Variants in CAPS2 observed in about 807,000 individuals in gnomAD.
CAPS2 encodes the protein calcyphosin-2.
Under a neutral mutation model 86.5 loss-of-function variants are expected in CAPS2, and 98 were observed. The ratio of observed to expected loss-of-function variants is 1.13; its 90% CI spans 0.96 to 1.34. The LOEUF (loss-of-function observed/expected upper bound fraction) is 1.34. Among genes scored for constraint, CAPS2 ranks in the 40% most tolerant of loss-of-function variants. CAPS2 has a pLI of 0.00. For missense variants in CAPS2, 729 were observed against 686.8 expected (o/e 1.06, Z -0.69); for synonymous variants, 210 against 225.1 (o/e 0.93, Z 0.60).
chr12:75,306,403 G>C, intron 7 of CAPS2: 1 of 401,850 alleles, frequency 2.5e-6, no homozygotes, highest in African/African-American at 2.0e-5. Context: ...ACCCTCACCA[G>C]GCCTGTGGAA....
chr12:75,327,757 T>C (rs1337299629), upstream of CAPS2, among the ~76,000 whole-genome samples: 5 of 150,872 alleles, frequency 3.3e-5, no homozygotes, highest in Non-Finnish European at 7.4e-5. Context: ...GGTGGAATAA[T>C]GTAACATTCA....
chr12:75,339,451 C>G (rs2041955631), intron 1 of CAPS2, among the ~76,000 whole-genome samples: 1 of 151,516 alleles, frequency 6.6e-6, no homozygotes, highest in Admixed American at 6.6e-5. Context: ...TGGGGTTGTT[C>G]TTTAAATTTA....
intron 7 of CAPS2, among the ~76,000 whole-genome samples, 186 bp downstream of exon 7, chr12:75,312,662 T>G (rs2039351233): frequency 6.6e-6 from 1 of 152,198 alleles, no homozygotes; most frequent in Non-Finnish European, 1.5e-5. Context: ...TGTTAGGTAT[T>G]TCTATTCGTC....
At chr12:75,343,670 T>C (rs2042261594) in intron 1 of CAPS2, 1 of 1,552,474 alleles carries the variant, frequency 6.4e-7, no homozygotes, top group Non-Finnish European at 8.7e-7. Flanking sequence ...CACAATTCAA[T>C]TTAAATTATT....
upstream of CAPS2, chr12:75,334,979 A>T (rs532107161): frequency 1.5e-5 from 20 of 1,365,978 alleles, no homozygotes; most frequent in Middle Eastern, 9.9e-4. Flanking sequence ...TCACGGACTT[A>T]ACTTGTACTA....
At chr12:75,317,328 C>T (rs1224183665) in intron 5 of CAPS2, among the ~76,000 whole-genome samples, 5 of 152,040 alleles carry the variant, frequency 3.3e-5, no homozygotes, top group Non-Finnish European at 7.4e-5. Context: ...GATACTTTAT[C>T]ATTTTATTTA....
intron 11 of CAPS2, among the ~76,000 whole-genome samples, chr12:75,296,611 G>T (rs890883234): frequency 6.6e-6 from 1 of 152,124 alleles, no homozygotes; most frequent in Non-Finnish European, 1.5e-5. Flanking sequence ...TTTTATGCAG[G>T]TGCATCTATG....
rs909187893 is a variant in CAPS2, at chr12:75,284,852, T to C, written c.1515+109A>G. 6.8e-6 allele frequency: 7 copies of C among 1,035,118 alleles called. No homozygotes were observed. The South Asian group carries it at 9.9e-5, about 15-fold the overall frequency. 64.1% of individuals were successfully genotyped at this position (1,035,118 alleles called of 1,614,324 possible). On this transcript the variant is annotated intron_variant, in intron 15 of 16. Transcript: ENST00000393284. Reference sequence around the variant, plus strand: ...TTTCTGTTTTACTAAACCCAACATATAAGTAAATAGATTTAAAACTTTTAA... The same window carrying C: ...TTTCTGTTTTACTAAACCCAACATACAAGTAAATAGATTTAAAACTTTTAA...
intron 1 of CAPS2, among the ~76,000 whole-genome samples, chr12:75,353,911 T>C (rs2042973908): frequency 6.6e-6 from 1 of 152,164 alleles, no homozygotes; most frequent in Non-Finnish European, 1.5e-5. Context: ...TCTCAATAGA[T>C]GCCAAAAGGC....
At chr12:75,328,406 G>A (rs2040987515), upstream of CAPS2, among the ~76,000 whole-genome samples, 3 of 152,094 alleles carry the variant, frequency 2.0e-5, no homozygotes, top group South Asian at 4.1e-4. Flanking sequence ...GCGGCAACAT[G>A]TAAATCCTCA....
chr12:75,387,114 T>C (rs1410827945), intron 1 of CAPS2, among the ~76,000 whole-genome samples: 1 of 151,998 alleles, frequency 6.6e-6, no homozygotes, highest in Non-Finnish European at 1.5e-5. Flanking sequence ...CTCAAGAGAA[T>C]GAAAAAACAA....
chr12:75,323,174 T>A lies in CAPS2; in HGVS notation c.177+3A>T. 1 of 1,533,402 alleles carries A rather than the reference T, an allele frequency of 6.5e-7. No individual in the cohort carries two copies. The allele number at this position is 1,533,402 out of a possible 1,614,324, so 95.0% of individuals were successfully genotyped here. A position where few individuals can be genotyped will look rare whatever the true frequency, so the allele number is the denominator to read the frequency against. ...ATTATATTAAATACTAAATAAAAAT[T>A]ACCTCATCATCAGAGTCAACAAGGC... On this transcript the variant is annotated splice_donor_region_variant and intron_variant, in intron 3 of 16. Coordinates refer to ENST00000393284, the Ensembl canonical transcript of CAPS2.
At chr12:75,346,205 A>G (rs74108720) in intron 1 of CAPS2, among the ~76,000 whole-genome samples, 10,084 of 152,232 alleles carry the variant, frequency 0.066, 464 homozygotes, top group African/African-American at 0.13. Flanking sequence ...TCATAAGCCA[A>G]ATTGTTAAAC....
At position 75,293,229 on chromosome 12, in the gene CAPS2, CA is replaced by C. The variant is rs931939542; in HGVS notation, c.1163+19del. 6 of 1,402,358 alleles carry C rather than the reference CA, an allele frequency of 4.3e-6. No individual in the cohort carries two copies. The Admixed American group carries it at 7.1e-5, about 17-fold the overall frequency. 86.9% of individuals were successfully genotyped at this position (1,402,358 alleles called of 1,614,324 possible). On this transcript the variant is annotated intron_variant, in intron 12 of 16. Coordinates refer to ENST00000393284, the Ensembl canonical transcript of CAPS2. Reference sequence around the variant, plus strand: ...GTGTTTTCACCTACTTTCAAATTGCCAAATGCATATTTAACTTACTTGAGAG... The same window carrying C: ...GTGTTTTCACCTACTTTCAAATTGCCAATGCATATTTAACTTACTTGAGAG...
intron 11 of CAPS2, chr12:75,298,150 T>A (rs2138501532): frequency 6.5e-6 from 1 of 154,170 alleles, no homozygotes; most frequent in East Asian, 1.9e-4. Flanking sequence ...GATTTAAAAT[T>A]TAAGAGCACT....
intron 7 of CAPS2, 125 bp downstream of exon 7, chr12:75,312,723 G>C (rs1252870293): frequency 1.7e-6 from 1 of 599,218 alleles, no homozygotes; most frequent in East Asian, 2.8e-5. Context: ...GCAGTAAACA[G>C]AGAAAGTTTG....
At position 75,306,415 on chromosome 12, in the gene CAPS2, G is replaced by T. The variant is rs78613582; in HGVS notation, c.660-1539C>A. The T allele has an allele frequency of 3.4e-3, 1,273 of 371,704 alleles. 10 individuals are homozygous for T. Among genetic ancestry groups the T allele is most frequent in the African/African-American group, 0.024 (1,177 of 48,264 alleles). The allele number at this position is 371,704 out of a possible 1,614,324, so 23.0% of individuals were successfully genotyped here. A position where few individuals can be genotyped will look rare whatever the true frequency, so the allele number is the denominator to read the frequency against. ...CTGACCCTCACCAGGCCTGTGGAAG[G>T]GTGGGGGTGGGTCACTAGAGTATTC... On this transcript the variant is annotated intron_variant, in intron 7 of 16. Coordinates refer to ENST00000393284, the Ensembl canonical transcript of CAPS2.
intron 1 of CAPS2, among the ~76,000 whole-genome samples, chr12:75,384,110 G>GA (rs922497723): frequency 1.8e-4 from 27 of 150,832 alleles, no homozygotes; most frequent in South Asian, 4.2e-4. Context: ...TTAGAAACTA[G>GA]AAAAAAAAGA....
At chr12:75,386,951 A>C (rs754782881) in intron 1 of CAPS2, among the ~76,000 whole-genome samples, 3 of 152,224 alleles carry the variant, frequency 2.0e-5, no homozygotes, top group East Asian at 1.9e-4. Context: ...ACAAAAGTAT[A>C]AACTCCCAGA....
Sources: allele counts gnomAD v4.1 joint callset (sites outside exome capture counted in the v4.1 genomes callset), GRCh38; gene constraint gnomAD v4.1.1; transcripts MANE v1.5; gene names NCBI Gene and HGNC (gene_info 2026-07-23, HGNC 2026-07-21).